JAZF1: variants seen among roughly 807,000 people sequenced by gnomAD.
JAZF1 encodes the protein juxtaposed with another zinc finger protein 1.
JAZF1 carries 8 observed loss-of-function variants against 26.4 expected under a neutral mutation model. The observed-to-expected ratio is 0.30, with a 90% CI of 0.18 to 0.55. The LOEUF (loss-of-function observed/expected upper bound fraction) is 0.55. Ranked by LOEUF, JAZF1 falls within the 20% of genes least tolerant of loss-of-function variation. The pLI, the probability that JAZF1 is intolerant of heterozygous loss-of-function variation, is 0.94. For missense variants in JAZF1, 199 were observed against 322.0 expected, an observed-to-expected ratio of 0.62 and a Z score of 2.92; for synonymous variants, 126 against 122.3, an observed-to-expected ratio of 1.03 and a Z score of -0.20.
intron 1 of JAZF1, among the ~76,000 whole-genome samples, chr7:28,153,840 T>C (rs1394550307): frequency 6.6e-6 from 1 of 152,144 alleles, no homozygotes; most frequent in African/African-American, 2.4e-5. Context: ...TCCATACCTC[T>C]ATTAGGGGTG....
At chr7:27,889,307 G>C (rs958357018) in intron 3 of JAZF1, among the ~76,000 whole-genome samples, 1 of 151,862 alleles carries the variant, frequency 6.6e-6, no homozygotes, top group Non-Finnish European at 1.5e-5. Flanking sequence ...ATGGGGGGAG[G>C]GGGGAGAAAT....
intron 2 of JAZF1, among the ~76,000 whole-genome samples, chr7:27,954,137 T>C (rs1411093902): frequency 1.3e-5 from 2 of 152,246 alleles, no homozygotes; most frequent in African/African-American, 4.8e-5. Context: ...AGGCTTCTGA[T>C]AGACATCATT....
chr7:27,951,917 T>C (rs1224721033), intron 2 of JAZF1, among the ~76,000 whole-genome samples: 1 of 152,226 alleles, frequency 6.6e-6, no homozygotes, highest in Non-Finnish European at 1.5e-5. Context: ...CCACAGGTTC[T>C]GTCTCCTTTC....
intron 1 of JAZF1, among the ~76,000 whole-genome samples, chr7:28,020,183 T>C (rs1641893971): frequency 6.6e-6 from 1 of 152,174 alleles, no homozygotes; most frequent in Non-Finnish European, 1.5e-5. Context: ...AAACCCTCCT[T>C]AGATAAGAGA....
chr7:27,836,442 G>C (rs1481189017), intron 4 of JAZF1, among the ~76,000 whole-genome samples: 5 of 152,192 alleles, frequency 3.3e-5, no homozygotes, highest in Non-Finnish European at 7.3e-5. Context: ...CTGAAGTCCA[G>C]ATGCTGAGCT....
intron 1 of JAZF1, among the ~76,000 whole-genome samples, chr7:28,031,445 C>G: frequency 6.6e-6 from 1 of 152,156 alleles, no homozygotes; most frequent in East Asian, 1.9e-4. Flanking sequence ...TATCCCACCC[C>G]TCAGCCCCAG....
chr7:27,873,637 C>G (rs1783622681), intron 3 of JAZF1, among the ~76,000 whole-genome samples: 2 of 152,200 alleles, frequency 1.3e-5, no homozygotes, highest in Admixed American at 6.5e-5. Context: ...GATGTGCCTA[C>G]TACCCCTTTT....
In JAZF1 at chr7:27,906,308, C is replaced by T. The variant is rs556014163; in HGVS notation, c.189-10892G>A. On this transcript the variant is annotated intron_variant, in intron 2 of 4. Coordinates refer to ENST00000283928, the MANE Select transcript of JAZF1 (RefSeq NM_175061.4). ...GGCAGACACTGCAGACCAGTGGAAA[C>T]GTCCTCATGAACAGCAGCAGACTAG... Among the ~76,000 whole-genome samples the T allele has an allele frequency of 6.6e-5, 10 of 152,238 alleles. No homozygotes were observed. In the East Asian group the frequency reaches 1.7e-3, roughly 26 times the overall value.
chr7:27,952,810 A>G lies in JAZF1; in HGVS notation c.188+39099T>C, dbSNP rs569906750. On this transcript the variant is annotated intron_variant, in intron 2 of 4. Coordinates refer to ENST00000283928, the MANE Select transcript of JAZF1 (RefSeq NM_175061.4). The stretch of plus-strand genomic sequence containing the variant: ...GTTTGAAACATGTTCAGGAAAAAAC[A>G]CATTAAGATATTTTTATTCTTATGA... Among the ~76,000 whole-genome samples the G allele has an allele frequency of 2.6e-5, 4 of 152,368 alleles. No individual in the cohort carries two copies. In the South Asian group the frequency reaches 8.3e-4, roughly 32 times the overall value.
chr7:28,040,550 C>T (rs1008305842), intron 1 of JAZF1, among the ~76,000 whole-genome samples: 3 of 152,052 alleles, frequency 2.0e-5, no homozygotes, highest in African/African-American at 7.2e-5. Context: ...GAGGGATACA[C>T]GGTGCCACAG....
intron 1 of JAZF1, among the ~76,000 whole-genome samples, chr7:27,995,441 C>CT (rs899390484): frequency 2.6e-5 from 4 of 152,110 alleles, no homozygotes; most frequent in Non-Finnish European, 4.4e-5. Flanking sequence ...AAAACTTCAA[C>CT]TTTTTTTTAG....
chr7:28,084,453 T>C (rs1278122445), intron 1 of JAZF1, among the ~76,000 whole-genome samples: 1 of 152,136 alleles, frequency 6.6e-6, no homozygotes, highest in African/African-American at 2.4e-5. Context: ...ACTTCAAAAT[T>C]TGGGTTCTGA....
intron 1 of JAZF1, among the ~76,000 whole-genome samples, chr7:28,117,307 T>C (rs1210413982): frequency 1.3e-5 from 2 of 152,232 alleles, no homozygotes; most frequent in Non-Finnish European, 2.9e-5. Flanking sequence ...TTCAAGGTTA[T>C]AAAGGAATGT....
intron 1 of JAZF1, among the ~76,000 whole-genome samples, chr7:28,157,364 G>A (rs960234276): frequency 6.6e-6 from 1 of 152,214 alleles, no homozygotes; most frequent in Non-Finnish European, 1.5e-5. Context: ...GGCCCTATCA[G>A]CTCTATCACA....
At chr7:27,845,687 A>G (rs2128332590) in intron 3 of JAZF1, among the ~76,000 whole-genome samples, 1 of 132,678 alleles carries the variant, frequency 7.5e-6, no homozygotes, top group African/African-American at 3.0e-5. Context: ...ATAGGGCGAG[A>G]CTCTGCCTCA....
chr7:28,097,623 A>C (rs1276144639), intron 1 of JAZF1, among the ~76,000 whole-genome samples: 3 of 152,204 alleles, frequency 2.0e-5, no homozygotes, highest in Non-Finnish European at 4.4e-5. Flanking sequence ...AAGGAGCTGG[A>C]TATATAAAGG....
intron 2 of JAZF1, among the ~76,000 whole-genome samples, chr7:27,898,382 G>A (rs7806897): frequency 4.9e-4 from 70 of 142,650 alleles, no homozygotes; most frequent in African/African-American, 1.6e-3. Context: ...GCACGATCTC[G>A]GCTCACCTCT....
chr7:28,049,152 G>A (rs1488837770), intron 1 of JAZF1, among the ~76,000 whole-genome samples: 3 of 149,614 alleles, frequency 2.0e-5, no homozygotes, highest in Non-Finnish European at 4.4e-5. Flanking sequence ...GTGTGATGTC[G>A]GCTCACCACA....
intron 3 of JAZF1, among the ~76,000 whole-genome samples, chr7:27,892,654 T>C (rs960061685): frequency 2.6e-5 from 4 of 152,178 alleles, no homozygotes; most frequent in African/African-American, 4.8e-5. Context: ...CTACACTCTC[T>C]TTCATTCCTT....
Sources: allele counts gnomAD v4.1 joint callset (sites outside exome capture counted in the v4.1 genomes callset), GRCh38; gene constraint gnomAD v4.1.1; transcripts MANE v1.5; gene names NCBI Gene and HGNC (gene_info 2026-07-23, HGNC 2026-07-21).